PHACTR3: variants seen among roughly 807,000 people sequenced by gnomAD.
PHACTR3 encodes protein phosphatase 1, regulatory subunit 123.
A neutral mutation model predicts 66.8 loss-of-function variants in PHACTR3; 16 were observed. The observed-to-expected ratio is 0.24, with a 90% CI of 0.16 to 0.36. PHACTR3 has a LOEUF of 0.36. PHACTR3 is among the 10% of genes least tolerant of loss of function. PHACTR3 has a pLI of 1.00. For synonymous variants in PHACTR3, 323 were observed against 292.1 expected, an observed-to-expected ratio of 1.11 and a Z score of -1.08; for missense variants, 647 against 719.9, an observed-to-expected ratio of 0.90 and a Z score of 1.16.
intron 1 of PHACTR3, chr20:59,626,483 A>C (rs2034451615): frequency 6.6e-6 from 1 of 152,350 alleles, no homozygotes; most frequent in Non-Finnish European, 1.5e-5. Context: ...TGGTCATGTG[A>C]CTACCCTCGA....
chr20:59,798,660 T>G (rs1035646747), intron 7 of PHACTR3, among the ~76,000 whole-genome samples: 1 of 152,154 alleles, frequency 6.6e-6, no homozygotes, highest in African/African-American at 2.4e-5. Context: ...TTCACTATAT[T>G]TTTTATATCT....
intron 8 of PHACTR3, among the ~76,000 whole-genome samples, chr20:59,809,080 G>T (rs1432053775): frequency 6.6e-6 from 1 of 152,188 alleles, no homozygotes; most frequent in Non-Finnish European, 1.5e-5. Context: ...TCTGAGCAGT[G>T]GGGCTTTTCA....
intron 1 of PHACTR3, among the ~76,000 whole-genome samples, chr20:59,710,067 G>A (rs2037856947): frequency 6.6e-6 from 1 of 152,082 alleles, no homozygotes; most frequent in African/African-American, 2.4e-5. Context: ...GCAAAGTCAG[G>A]GTTGTTGCTC....
At chr20:59,670,914 GC>G (rs2036174008) in intron 1 of PHACTR3, among the ~76,000 whole-genome samples, 1 of 152,098 alleles carries the variant, frequency 6.6e-6, no homozygotes, top group Non-Finnish European at 1.5e-5. Context: ...AAATGTTCTT[GC>G]CACTTCTCCT....
At chr20:59,714,924 T>C (rs1333332871) in intron 1 of PHACTR3, among the ~76,000 whole-genome samples, 1 of 152,226 alleles carries the variant, frequency 6.6e-6, no homozygotes, top group Admixed American at 6.5e-5. Flanking sequence ...TATTTTATGC[T>C]GCTTTAATGA....
intron 11 of PHACTR3, chr20:59,843,685 G>A (rs1382675707): frequency 6.6e-6 from 1 of 151,870 alleles, no homozygotes; most frequent in Non-Finnish European, 1.5e-5. Flanking sequence ...AAATCAACTT[G>A]AAGAATAAAG....
At chr20:59,809,558 A>C (rs929232823) in intron 8 of PHACTR3, among the ~76,000 whole-genome samples, 1 of 152,178 alleles carries the variant, frequency 6.6e-6, no homozygotes, top group African/African-American at 2.4e-5. Context: ...TGTAGCTTCT[A>C]ATCCTTCCCC....
intron 1 of PHACTR3, chr20:59,627,073 A>T (rs888685099): frequency 6.6e-6 from 1 of 152,272 alleles, no homozygotes; most frequent in Non-Finnish European, 1.5e-5. Context: ...TCTCCCAAGC[A>T]TCAAAGTGCA....
chr20:59,605,432 G>C lies in PHACTR3; in HGVS notation c.118+300G>C, dbSNP rs12233269. 1.1e-3 allele frequency among the ~76,000 whole-genome samples: 165 copies of C among 152,338 alleles called. 2 individuals are homozygous for C. The highest frequency in any genetic ancestry group is 9.6e-3 in the East Asian group (50 of 5,184). On this transcript the variant is annotated intron_variant, in intron 1 of 12. Transcript: ENST00000371015. ...TCCTTTCCTCGGGTGCTGACCGGCTGGGGGAAGAGAGGCAGACCCGTGGCC... is the reference window on the plus strand; with the variant it reads ...TCCTTTCCTCGGGTGCTGACCGGCTCGGGGAAGAGAGGCAGACCCGTGGCC...
At chr20:59,746,993 T>C (rs2039395687) in intron 2 of PHACTR3, among the ~76,000 whole-genome samples, 1 of 152,170 alleles carries the variant, frequency 6.6e-6, no homozygotes, top group South Asian at 2.1e-4. Context: ...ATTTGGAAAT[T>C]GGGGCTCACC....
chr20:59,765,722 C>A (rs764647122), intron 4 of PHACTR3, among the ~76,000 whole-genome samples: 1 of 152,140 alleles, frequency 6.6e-6, no homozygotes, highest in Non-Finnish European at 1.5e-5. Flanking sequence ...TGTAACACCC[C>A]CTCCCTGACC....
intron 7 of PHACTR3, among the ~76,000 whole-genome samples, chr20:59,783,426 C>A (rs981042392): frequency 1.3e-5 from 2 of 150,686 alleles, no homozygotes; most frequent in African/African-American, 5.0e-5. Flanking sequence ...GGCTGCCCCC[C>A]GCCCCGCCCC....
rs2033607470 is a variant in PHACTR3 at position 59,604,994 on chromosome 20, GC to G, written c.-16del. Reference sequence around the variant, plus strand: ...GATTCCACGCGGCTCGCTCTAACTTGCCCCCGCGCCGGCCGGGCCCATGGCC... The same window carrying G: ...GATTCCACGCGGCTCGCTCTAACTTGCCCCGCGCCGGCCGGGCCCATGGCC... On this transcript the variant is annotated 5_prime_UTR_variant, in exon 1 of 13. Transcript: ENST00000371015. The G allele has an allele frequency of 1.6e-6, 2 of 1,289,976 alleles. No individual in the cohort carries two copies. Among genetic ancestry groups the G allele is most frequent in the South Asian group, 2.4e-5 (1 of 41,342 alleles). 79.9% of individuals were successfully genotyped at this position (1,289,976 alleles called of 1,614,324 possible).
chr20:59,716,556 C>T (rs932778180), intron 1 of PHACTR3, among the ~76,000 whole-genome samples: 1 of 152,080 alleles, frequency 6.6e-6, no homozygotes, highest in African/African-American at 2.4e-5. Flanking sequence ...CTTCACTCTT[C>T]AACTGAGAGT....
At chr20:59,813,393 A>C (rs2041794304) in intron 8 of PHACTR3, among the ~76,000 whole-genome samples, 1 of 152,146 alleles carries the variant, frequency 6.6e-6, no homozygotes, top group African/African-American at 2.4e-5. Flanking sequence ...GTAGCATTTG[A>C]AATTACCTAC....
intron 1 of PHACTR3, among the ~76,000 whole-genome samples, chr20:59,663,098 A>AC (rs2035869279): frequency 6.6e-6 from 1 of 152,176 alleles, no homozygotes; most frequent in South Asian, 2.1e-4. Flanking sequence ...CAGCCGTGTC[A>AC]CCGCAGCCTC....
intron 1 of PHACTR3, among the ~76,000 whole-genome samples, chr20:59,729,432 G>T (rs1289736951): frequency 6.6e-6 from 1 of 152,128 alleles, no homozygotes; most frequent in East Asian, 1.9e-4. Flanking sequence ...GGGGCAGTGG[G>T]CAAAGAAATT....
intron 7 of PHACTR3, among the ~76,000 whole-genome samples, chr20:59,795,694 T>A (rs2041235579): frequency 1.3e-5 from 2 of 152,136 alleles, no homozygotes; most frequent in South Asian, 4.1e-4. Flanking sequence ...AATGGTAACA[T>A]CCTCTTGTTG....
intron 1 of PHACTR3, among the ~76,000 whole-genome samples, chr20:59,666,292 C>T (rs911644342): frequency 3.9e-5 from 6 of 152,232 alleles, no homozygotes; most frequent in African/African-American, 1.2e-4. Context: ...ATGCAAGCCA[C>T]GGCCCCACAT....
Sources: allele counts gnomAD v4.1 joint callset (sites outside exome capture counted in the v4.1 genomes callset), GRCh38; gene constraint gnomAD v4.1.1; transcripts MANE v1.5; gene names NCBI Gene and HGNC (gene_info 2026-07-23, HGNC 2026-07-21).